Variants in RPA1 observed in about 807,000 individuals in gnomAD.
RPA1 encodes the protein replication protein A1, also known as replication protein A 70 kDa DNA-binding subunit.
Under a neutral mutation model 83.0 loss-of-function variants are expected in RPA1, and 49 were observed. The observed-to-expected ratio is 0.59, with a 90% confidence interval of 0.47 to 0.75. The LOEUF is 0.75. RPA1 is among the 30% of genes least tolerant of loss of function. RPA1 has a pLI of 0.00. For synonymous variants in RPA1, 279 were observed against 281.8 expected (o/e 0.99, Z 0.10); for missense variants, 693 against 776.1 (o/e 0.89, Z 1.27).
chr17:1,848,440 G>A lies in RPA1; in HGVS notation c.272+3754G>A, dbSNP rs146776448. Among the ~76,000 whole-genome samples the A allele has an allele frequency of 6.1e-3, 922 of 151,774 alleles. 11 individuals carry two copies. Among genetic ancestry groups the A allele is most frequent in the African/African-American group, 0.021 (872 of 41,432 alleles). On this transcript the variant is annotated intron_variant, in intron 4 of 16. Coordinates refer to ENST00000254719, the MANE Select transcript of RPA1 (RefSeq NM_002945.5). ...CAGCCTGGTCAACATGGTGAAACCC[G>A]TCTCTACTAAAAATACAAAAATCAG... is the stretch of plus-strand genomic sequence containing the variant.
intron 3 of RPA1, 120 bp downstream of exon 3, chr17:1,844,118 T>C (rs1333110902): frequency 1.3e-6 from 1 of 742,658 alleles, no homozygotes; most frequent in African/African-American, 1.7e-5. Flanking sequence ...GGCTACGTAC[T>C]TCATTCAGAC....
chr17:1,836,042 C>G (rs1215622657), intron 1 of RPA1, among the ~76,000 whole-genome samples: 2 of 152,154 alleles, frequency 1.3e-5, no homozygotes, highest in African/African-American at 4.8e-5. Flanking sequence ...TACTGTTCCC[C>G]AGAATAACTG....
intron 8 of RPA1, 98 bp from the exon 9 acceptor site, chr17:1,878,895 G>T: frequency 8.8e-7 from 1 of 1,133,964 alleles, no homozygotes; most frequent in Non-Finnish European, 1.3e-6. Context: ...ATGTCACTTT[G>T]GTGCTAGGGT....
chr17:1,869,319 C>T (rs1377205324), intron 5 of RPA1, among the ~76,000 whole-genome samples: 7 of 152,076 alleles, frequency 4.6e-5, no homozygotes, highest in African/African-American at 1.4e-4. Context: ...GGCGGGTCAC[C>T]TGAGGTCAGG....
intron 5 of RPA1, among the ~76,000 whole-genome samples, chr17:1,867,277 T>G (rs1377018748): frequency 5.3e-5 from 8 of 152,148 alleles, no homozygotes; most frequent in Non-Finnish European, 1.0e-4. Flanking sequence ...TTGGATGCAG[T>G]CAGGACAAGA....
At chr17:1,845,160 CTT>C (rs951579810) in intron 4 of RPA1, among the ~76,000 whole-genome samples, 4 of 59,812 alleles carry the variant, frequency 6.7e-5, no homozygotes, top group Non-Finnish European at 1.1e-4. Flanking sequence ...TGTAATGCTG[CTT>C]TGTGTGTGTG....
At chr17:1,889,527 G>C (rs1206366919) in intron 14 of RPA1, among the ~76,000 whole-genome samples, 1 of 151,970 alleles carries the variant, frequency 6.6e-6, no homozygotes, top group Non-Finnish European at 1.5e-5. Context: ...TTATTGTAGA[G>C]ACAGGGTCTC....
In RPA1 at chr17:1,877,240, A is replaced by C. The variant is rs764083881; in HGVS notation, c.616A>C (p.Lys206Gln). The C allele has an allele frequency of 1.2e-6, 2 of 1,614,244 alleles. No individual in the cohort carries two copies. The highest frequency in any genetic ancestry group is 1.7e-6 in the Non-Finnish European group (2 of 1,180,046). ...KWTICARVTN[K>Q]SQIRTWSNSR... ...GACCATTTGTGCTCGTGTTACCAACAAAAGTCAGATCCGTACCTGGAGCAA... is the reference window on the plus strand; with the variant it reads ...GACCATTTGTGCTCGTGTTACCAACCAAAGTCAGATCCGTACCTGGAGCAA... The change falls in exon 8 of 17, where the codon AAA becomes CAA. Residue 206 changes from lysine to glutamine, a missense_variant. Physicochemically the swap from Lys to Gln is moderately conservative, Grantham distance 53. Transcript: ENST00000254719.
intron 16 of RPA1, among the ~76,000 whole-genome samples, chr17:1,895,632 T>C (rs915226255): frequency 2.2e-4 from 33 of 149,016 alleles, no homozygotes; most frequent in Non-Finnish European, 1.0e-4. Context: ...CCTTGAAAAT[T>C]CCTGAAATTG....
At chr17:1,870,909 A>G (rs968680831) in intron 5 of RPA1, among the ~76,000 whole-genome samples, 2 of 152,200 alleles carry the variant, frequency 1.3e-5, no homozygotes, top group African/African-American at 4.8e-5. Context: ...CTGTTTTTGA[A>G]TGTTTACATC....
At chr17:1,849,289 C>CTTTTTTTTTTTT (rs61062085) in intron 4 of RPA1, among the ~76,000 whole-genome samples, 4 of 116,316 alleles carry the variant, frequency 3.4e-5, no homozygotes, top group African/African-American at 6.9e-5. Flanking sequence ...GTTGGCTGTT[C>CTTTTTTTTTTTT]TTTTTTTTTT....
At chr17:1,848,815 C>T (rs987484499) in intron 4 of RPA1, among the ~76,000 whole-genome samples, 4 of 151,998 alleles carry the variant, frequency 2.6e-5, no homozygotes, top group Non-Finnish European at 5.9e-5. Context: ...CCACCCACCT[C>T]GGCCTCCCAA....
rs78608540 is a variant in RPA1, at chr17:1,875,920, C to T, written c.587+127C>T. 6.2e-3 allele frequency: 4,060 copies of T among 659,970 alleles called. 11 individuals are homozygous for T. Among genetic ancestry groups the T allele is most frequent in the Middle Eastern group, 0.02 (48 of 2,386 alleles). The allele number at this position is 659,970 out of a possible 1,614,324, so 40.9% of individuals were successfully genotyped here. ...AATACCACCAAATAGAATGGGTTTA[C>T]TCTTTTTTTTTTTTTTTTTTGCTGA... On this transcript the variant is annotated intron_variant, in intron 7 of 16. Coordinates refer to ENST00000254719, the MANE Select transcript of RPA1 (RefSeq NM_002945.5).
Position 1,878,500 on chromosome 17 carries a change from A to G in RPA1, c.691-493A>G, listed in dbSNP as rs528614644. Among the ~76,000 whole-genome samples the G allele has an allele frequency of 6.6e-5, 10 of 152,306 alleles. No homozygotes were observed. In the South Asian group the frequency reaches 1.0e-3, roughly 16 times the overall value. On this transcript the variant is annotated intron_variant, in intron 8 of 16. Transcript: ENST00000254719. Reference sequence around the variant, plus strand: ...TGACAGAAAAGCAAAAGTGAAAATCAGATCACAAGCAACTTGCAAACATGA... The same window carrying G: ...TGACAGAAAAGCAAAAGTGAAAATCGGATCACAAGCAACTTGCAAACATGA...
chr17:1,884,721 C>T lies in RPA1; in HGVS notation c.1374+777C>T, dbSNP rs1033742519. Among the ~76,000 whole-genome samples, 1 of 152,196 alleles carries T rather than the reference C, an allele frequency of 6.6e-6. No individual in the cohort carries two copies. The highest frequency in any genetic ancestry group is 6.5e-5 in the Admixed American group (1 of 15,282). On this transcript the variant is annotated intron_variant, in intron 13 of 16. Transcript: ENST00000254719. This position sits in a 1 kb window ranked among gnomAD's most constrained non-coding sequence, Gnocchi z 4.1. ...AAACACTGGACAGATCCTCGTTGTC[C>T]TGTCATGGGACACCCACTCTTTCGG... is the stretch of plus-strand genomic sequence containing the variant.
rs189793608 is a variant in RPA1, at chr17:1,884,788, A to G, written c.1374+844A>G. On this transcript the variant is annotated intron_variant, in intron 13 of 16. Transcript: ENST00000254719. The surrounding 1 kb of genome is among the most constrained non-coding windows in gnomAD (Gnocchi z 4.1). ...CTACCCAGGAGGCTGAGGCAGGTGG[A>G]TTACATGAGCCCAGGAGTTCGACTG... is the stretch of plus-strand genomic sequence containing the variant. Among the ~76,000 whole-genome samples the G allele has an allele frequency of 6.9e-4, 105 of 152,290 alleles. No individual in the cohort carries two copies. The highest frequency in any genetic ancestry group is 2.5e-3 in the African/African-American group (102 of 41,542).
rs143456900 is a variant in RPA1, at chr17:1,850,035, G to C, written c.273-3066G>C. On this transcript the variant is annotated intron_variant, in intron 4 of 16. Coordinates refer to ENST00000254719, the MANE Select transcript of RPA1 (RefSeq NM_002945.5). Reference sequence around the variant, plus strand: ...GAAAATACAAAAATTAGCCAGGCGTGGTGGCACATGCCTATAGTCCCAGCT... The same window carrying C: ...GAAAATACAAAAATTAGCCAGGCGTCGTGGCACATGCCTATAGTCCCAGCT... Among the ~76,000 whole-genome samples the C allele has an allele frequency of 1.5e-3, 231 of 152,008 alleles. 1 individual carries two copies. The highest frequency in any genetic ancestry group is 5.5e-3 in the African/African-American group (226 of 41,438).
At chr17:1,896,452 G>A (rs182232753) in intron 16 of RPA1, among the ~76,000 whole-genome samples, 1 of 147,752 alleles carries the variant, frequency 6.8e-6, no homozygotes, top group Non-Finnish European at 1.5e-5. Flanking sequence ...CTTAACGCCC[G>A]TTCTTCTGCG....
chr17:1,843,992 C>G lies in RPA1; in HGVS notation c.157C>G (p.Leu53Val), dbSNP rs778351700. The part of the protein sequence containing the change: ...RLLMSDGLNT[L>V]SSFMLATQLN... ...GCTCATGAGTGATGGATTGAACACT[C>G]TATCCTGTGAGTATGGTGTATCCAT... Residue 53 changes from leucine to valine, a missense_variant, in exon 3 of 17, where the codon CTA becomes GTA. By Grantham distance (32) the Leu-to-Val change is conservative. Coordinates refer to ENST00000254719, the MANE Select transcript of RPA1 (RefSeq NM_002945.5). The G allele has an allele frequency of 9.9e-6, 16 of 1,613,104 alleles. No individual in the cohort carries two copies. In the South Asian group the frequency reaches 1.4e-4, roughly 14 times the overall value.
Sources: gnomAD v4.1 joint callset for allele counts (sites outside exome capture counted in the v4.1 genomes callset) on GRCh38, gnomAD v4.1.1 for gene constraint, Gnocchi (gnomAD v3.1) non-coding constraint, MANE v1.5 for transcripts, NCBI Gene and HGNC (gene_info 2026-07-23, HGNC 2026-07-21) for gene names.